KCTD20: variants seen among roughly 807,000 people sequenced by gnomAD.
KCTD20 encodes the protein potassium channel tetramerization domain containing 20, also known as BTB/POZ domain-containing protein KCTD20.
Under a neutral mutation model 39.6 loss-of-function variants are expected in KCTD20, and 30 were observed. The ratio of observed to expected loss-of-function variants is 0.76; its 90% confidence interval spans 0.57 to 1.03. KCTD20 has a LOEUF of 1.03. Ranked by LOEUF, KCTD20 falls within the 50% of genes least tolerant of loss-of-function variation. The pLI is 0.00. For synonymous variants in KCTD20, 162 were observed against 180.6 expected (o/e 0.90, Z 0.83); for missense variants, 422 against 522.0 (o/e 0.81, Z 1.87).
chr6:36,461,157 A>G (rs1246592311), intron 1 of KCTD20, among the ~76,000 whole-genome samples: 1 of 152,200 alleles, frequency 6.6e-6, no homozygotes, highest in Non-Finnish European at 1.5e-5. Context: ...TTCTCATTTA[A>G]GATATGTTCT....
At chr6:36,452,143 T>C (rs1333824564) in intron 1 of KCTD20, among the ~76,000 whole-genome samples, 1 of 152,094 alleles carries the variant, frequency 6.6e-6, no homozygotes, top group East Asian at 1.9e-4. Flanking sequence ...TATGAATTGA[T>C]TTTTGAATGT....
At chr6:36,474,684 T>G (rs1776009891) in intron 2 of KCTD20, 105 bp from the exon 3 acceptor site, 2 of 1,079,090 alleles carry the variant, frequency 1.9e-6, no homozygotes, top group Non-Finnish European at 2.6e-6. Flanking sequence ...CATCTAAAAT[T>G]TGGGGGTTTT....
intron 1 of KCTD20, among the ~76,000 whole-genome samples, chr6:36,464,527 A>G (rs566710180): frequency 1.0e-3 from 153 of 152,164 alleles, no homozygotes; most frequent in Non-Finnish European, 1.9e-3. Context: ...TCGGAATATG[A>G]TAGCCTCTTA....
chr6:36,479,576 C>G lies in KCTD20; in HGVS notation c.538-15C>G. On this transcript the variant is annotated splice_polypyrimidine_tract_variant and intron_variant, in intron 4 of 7. Coordinates refer to ENST00000373731, the MANE Select transcript of KCTD20 (RefSeq NM_173562.5). ...TGTTCTCTGCCTACATTTTTTCTTC[C>G]TAATCTATTTACAGGATTATTACAA... 5.6e-6 allele frequency: 9 copies of G among 1,596,188 alleles called. No homozygotes were observed. Among genetic ancestry groups the G allele is most frequent in the Non-Finnish European group, 6.8e-6 (8 of 1,175,158 alleles).
Position 36,489,695 on chromosome 6 carries a change from T to C in KCTD20, c.*2520T>C, listed in dbSNP as rs1412842302. On this transcript the variant is annotated 3_prime_UTR_variant, in exon 8 of 8. Transcript: ENST00000373731. ...TGGCCAGATGGGTAAGAGGCATTTGTAATTTTAAAAATGTGAAACTTGGGT... is the reference window on the plus strand; with the variant it reads ...TGGCCAGATGGGTAAGAGGCATTTGCAATTTTAAAAATGTGAAACTTGGGT... 1 of 150,700 alleles carries C rather than the reference T, an allele frequency of 6.6e-6. No individual in the cohort carries two copies. Among genetic ancestry groups the C allele is most frequent in the African/African-American group, 2.4e-5 (1 of 41,404 alleles). 9.3% of individuals were successfully genotyped at this position (150,700 alleles called of 1,614,324 possible). A position where few individuals can be genotyped will look rare whatever the true frequency, so the allele number is the denominator to read the frequency against.
At chr6:36,481,826 T>A in intron 6 of KCTD20, 67 bp downstream of exon 6, 1 of 1,337,810 alleles carries the variant, frequency 7.5e-7, no homozygotes, top group East Asian at 2.3e-5. Context: ...AGCAGCTTGA[T>A]CCTAGAACCA....
At chr6:36,473,367 T>G (rs1775968168) in intron 2 of KCTD20, among the ~76,000 whole-genome samples, 1 of 152,114 alleles carries the variant, frequency 6.6e-6, no homozygotes, top group Admixed American at 6.5e-5. Flanking sequence ...CGGCCTATTT[T>G]TAAGTGCTCT....
At chr6:36,453,523 T>G (rs1386216409) in intron 1 of KCTD20, among the ~76,000 whole-genome samples, 3 of 151,592 alleles carry the variant, frequency 2.0e-5, no homozygotes, top group South Asian at 4.1e-4. Context: ...TTTTGTTTTT[T>G]TTTTTTTTGA....
intron 1 of KCTD20, among the ~76,000 whole-genome samples, chr6:36,446,220 A>G (rs12209346): frequency 0.37 from 55,500 of 151,338 alleles, 10,998 homozygotes; most frequent in East Asian, 0.54. Flanking sequence ...TTGGGACGGG[A>G]TTTCACCATG....
At chr6:36,461,041 A>G (rs1775587233) in intron 1 of KCTD20, among the ~76,000 whole-genome samples, 1 of 152,188 alleles carries the variant, frequency 6.6e-6, no homozygotes, top group Non-Finnish European at 1.5e-5. Flanking sequence ...AATAATATAT[A>G]GTGCATGATA....
At chr6:36,463,980 A>G (rs1775671758) in intron 1 of KCTD20, among the ~76,000 whole-genome samples, 1 of 152,200 alleles carries the variant, frequency 6.6e-6, no homozygotes, top group South Asian at 2.1e-4. Flanking sequence ...ATATTCAGGA[A>G]ATACATTTTA....
intron 6 of KCTD20, among the ~76,000 whole-genome samples, chr6:36,482,443 C>T (rs1190841638): frequency 6.6e-6 from 1 of 152,150 alleles, no homozygotes; most frequent in South Asian, 2.1e-4. Flanking sequence ...GTCCCAGCTA[C>T]TCAGGAGGCT....
chr6:36,475,298 T>C (rs919013542), intron 3 of KCTD20, among the ~76,000 whole-genome samples: 8 of 152,066 alleles, frequency 5.3e-5, no homozygotes, highest in South Asian at 4.2e-4. Context: ...ATACAAAAAT[T>C]AGCTGGGTGT....
intron 1 of KCTD20, among the ~76,000 whole-genome samples, chr6:36,444,007 A>G (rs1413175812): frequency 6.6e-6 from 1 of 152,186 alleles, no homozygotes; most frequent in Non-Finnish European, 1.5e-5. Context: ...GTCGGATGTG[A>G]TGAATCCAGA....
chr6:36,477,653 G>A (rs1239362860), intron 3 of KCTD20, among the ~76,000 whole-genome samples: 1 of 150,316 alleles, frequency 6.7e-6, no homozygotes, highest in Non-Finnish European at 1.5e-5. Context: ...CTAATTTTTT[G>A]TATTTCTTTT....
At chr6:36,461,282 A>T (rs559010782) in intron 1 of KCTD20, among the ~76,000 whole-genome samples, 1 of 152,286 alleles carries the variant, frequency 6.6e-6, no homozygotes, top group South Asian at 2.1e-4. Flanking sequence ...TTATAAGTTT[A>T]ATTTTTTAAA....
chr6:36,485,783 C>T (rs901911710), intron 7 of KCTD20, among the ~76,000 whole-genome samples: 1 of 152,076 alleles, frequency 6.6e-6, no homozygotes, highest in Non-Finnish European at 1.5e-5. Flanking sequence ...TGAGCCACGG[C>T]GCCTGGCCCC....
At chr6:36,483,423 G>C (rs1046981451) in intron 6 of KCTD20, among the ~76,000 whole-genome samples, 7 of 152,040 alleles carry the variant, frequency 4.6e-5, no homozygotes, top group African/African-American at 1.7e-4. Flanking sequence ...ATGTTGGCCA[G>C]GCTGGTCTCA....
chr6:36,447,771 G>A (rs935965314), intron 1 of KCTD20, among the ~76,000 whole-genome samples: 1 of 151,672 alleles, frequency 6.6e-6, no homozygotes, highest in Non-Finnish European at 1.5e-5. Flanking sequence ...TGGGCACATC[G>A]CTTGAGCCCA....
Sources: gnomAD v4.1 joint callset for allele counts (sites outside exome capture counted in the v4.1 genomes callset) on GRCh38, gnomAD v4.1.1 for gene constraint, MANE v1.5 for transcripts, NCBI Gene and HGNC (gene_info 2026-07-23, HGNC 2026-07-21) for gene names.